CCDC102B: variants seen among roughly 807,000 people sequenced by gnomAD.
The protein encoded by CCDC102B is coiled-coil domain-containing protein 102B.
A neutral mutation model predicts 57.4 loss-of-function variants in CCDC102B; 75 were observed. The ratio of observed to expected loss-of-function variants is 1.31; its 90% CI spans 1.08 to 1.58. CCDC102B has a LOEUF of 1.58. Among genes scored for constraint, CCDC102B ranks in the 40% most tolerant of loss-of-function variants. CCDC102B has a pLI of 0.00. For synonymous variants in CCDC102B, 206 were observed against 201.9 expected, an observed-to-expected ratio of 1.02 and a Z score of -0.17; for missense variants, 636 against 582.6, an observed-to-expected ratio of 1.09 and a Z score of -0.94.
At chr18:68,878,279 GTAGAGACCGGGGTCTCAC>G (rs1484607932) in intron 5 of CCDC102B, among the ~76,000 whole-genome samples, 63 of 152,126 alleles carry the variant, frequency 4.1e-4, no homozygotes, top group African/African-American at 1.5e-3. Context: ...GCATGTTTTT[GTAGAGACCGGGGTCTCAC>G]CATGTTGGCC....
chr18:68,736,346 GAAT>G (rs547821421), intron 2 of CCDC102B, among the ~76,000 whole-genome samples: 1 of 152,128 alleles, frequency 6.6e-6, no homozygotes, highest in Admixed American at 6.6e-5. Context: ...TAAAGTCCAG[GAAT>G]GGCATCTGTG....
At chr18:68,961,212 T>G (rs1382532673) in intron 6 of CCDC102B, among the ~76,000 whole-genome samples, 1 of 151,968 alleles carries the variant, frequency 6.6e-6, no homozygotes, top group Admixed American at 6.6e-5. Flanking sequence ...TTAAATAAAT[T>G]GGCACATAGA....
chr18:68,812,974 G>A (rs2036326315), intron 1 of CCDC102B, among the ~76,000 whole-genome samples: 1 of 151,876 alleles, frequency 6.6e-6, no homozygotes, highest in African/African-American at 2.4e-5. Context: ...AGAGGAGGTC[G>A]GGGAGAGAAG....
intron 1 of CCDC102B, among the ~76,000 whole-genome samples, chr18:68,830,816 G>A (rs932559113): frequency 6.6e-6 from 1 of 151,864 alleles, no homozygotes; most frequent in Non-Finnish European, 1.5e-5. Context: ...GTTAAATGAT[G>A]TATCCACCAA....
intron 4 of CCDC102B, among the ~76,000 whole-genome samples, chr18:68,848,708 T>G (rs1217789154): frequency 6.6e-6 from 1 of 152,046 alleles, no homozygotes; most frequent in Non-Finnish European, 1.5e-5. Context: ...GATTCAGAAT[T>G]AAATTATGAA....
chr18:68,799,271 A>T (rs1472843239), intron 1 of CCDC102B, among the ~76,000 whole-genome samples: 1 of 152,088 alleles, frequency 6.6e-6, no homozygotes, highest in Non-Finnish European at 1.5e-5. Context: ...GACCTATTTG[A>T]ATATATTCAG....
At chr18:68,961,899 C>A (rs2050055829) in intron 6 of CCDC102B, among the ~76,000 whole-genome samples, 1 of 152,024 alleles carries the variant, frequency 6.6e-6, no homozygotes, top group Non-Finnish European at 1.5e-5. Context: ...CTCTGTGGGA[C>A]TCTGCAAATT....
chr18:68,909,798 T>C (rs537926959), intron 6 of CCDC102B, among the ~76,000 whole-genome samples: 25 of 152,270 alleles, frequency 1.6e-4, no homozygotes, highest in African/African-American at 5.3e-4. Context: ...AGATCACATA[T>C]AGGGAGTAAA....
intron 2 of CCDC102B, among the ~76,000 whole-genome samples, chr18:68,757,660 TA>T (rs1346224895): frequency 1.3e-5 from 2 of 152,166 alleles, no homozygotes; most frequent in Non-Finnish European, 2.9e-5. Context: ...CCTCACACAT[TA>T]AACATTACAT....
rs1257566061 is a variant in CCDC102B, at chr18:68,756,909, GTGTC to G, written c.-67+40319_-67+40322del. ...TGTGTGTGTGTGTGTGTGTGTCTGT[GTGTC>G]TGTGTGTGTGCATGTCTATGCGTGT... On this transcript the variant is annotated intron_variant, in intron 2 of 3. Coordinates refer to the CCDC102B transcript ENST00000578970. Among the ~76,000 whole-genome samples the G allele has an allele frequency of 1.8e-4, 28 of 152,110 alleles. 1 individual carries two copies. The highest frequency in any genetic ancestry group is 2.8e-4 in the Non-Finnish European group (19 of 67,994).
At chr18:68,757,009 G>A (rs549395635) in intron 2 of CCDC102B, among the ~76,000 whole-genome samples, 7 of 152,030 alleles carry the variant, frequency 4.6e-5, no homozygotes, top group Admixed American at 3.9e-4. Context: ...CTCTGCTACA[G>A]TGTTACCTCC....
At chr18:68,886,739 T>C (rs2039899874) in intron 5 of CCDC102B, among the ~76,000 whole-genome samples, 1 of 152,080 alleles carries the variant, frequency 6.6e-6, no homozygotes, top group African/African-American at 2.4e-5. Flanking sequence ...TCTACTGCCT[T>C]GCTTAATAAT....
intron 1 of CCDC102B, among the ~76,000 whole-genome samples, chr18:68,818,044 A>AAGTC (rs1478259978): frequency 1.3e-5 from 2 of 152,222 alleles, no homozygotes; most frequent in Non-Finnish European, 2.9e-5. Flanking sequence ...TTTGTATTTT[A>AAGTC]AGTCCATTCA....
intron 4 of CCDC102B, among the ~76,000 whole-genome samples, chr18:68,866,274 T>A (rs1445021323): frequency 6.6e-6 from 1 of 152,174 alleles, no homozygotes; most frequent in Non-Finnish European, 1.5e-5. Context: ...TACCCACATT[T>A]TTATGGCATA....
At chr18:68,972,754 A>C (rs912512950) in intron 6 of CCDC102B, among the ~76,000 whole-genome samples, 1 of 152,168 alleles carries the variant, frequency 6.6e-6, no homozygotes, top group Non-Finnish European at 1.5e-5. Flanking sequence ...TAATAATTCT[A>C]TTCAAATTTA....
chr18:68,802,605 C>T (rs1251301695), intron 1 of CCDC102B, among the ~76,000 whole-genome samples: 1 of 152,116 alleles, frequency 6.6e-6, no homozygotes, highest in Non-Finnish European at 1.5e-5. Context: ...AAGGCTGGGG[C>T]CTAAGCATAG....
At chr18:68,912,635 T>C (rs1485188219) in intron 6 of CCDC102B, among the ~76,000 whole-genome samples, 3 of 152,222 alleles carry the variant, frequency 2.0e-5, no homozygotes, top group Admixed American at 6.5e-5. Context: ...AGTCATTGTA[T>C]TGATTGTTAA....
At chr18:68,889,804 G>A (rs2040012925) in intron 5 of CCDC102B, among the ~76,000 whole-genome samples, 1 of 152,138 alleles carries the variant, frequency 6.6e-6, no homozygotes, top group Admixed American at 6.5e-5. Flanking sequence ...ATGGACTAAA[G>A]CATTTTCTCT....
chr18:69,057,681 T>C (rs2145512844), downstream of CCDC102B, among the ~76,000 whole-genome samples: 1 of 152,152 alleles, frequency 6.6e-6, no homozygotes, highest in South Asian at 2.1e-4. Context: ...CGTGCATGTA[T>C]AGGAACAGCT....
Sources: gnomAD v4.1 joint callset for allele counts (sites outside exome capture counted in the v4.1 genomes callset) on GRCh38, gnomAD v4.1.1 for gene constraint, MANE v1.5 for transcripts, NCBI Gene and HGNC (gene_info 2026-07-23, HGNC 2026-07-21) for gene names.